The following GNAI3 variants were observed in gnomAD, a reference collection of about 807,000 sequenced individuals.
GNAI3 encodes G protein subunit alpha i3, also known as guanine nucleotide-binding protein G(i) subunit alpha-3.
In GNAI3, 12 loss-of-function variants were observed where a neutral mutation model predicts 41.8. The ratio of observed to expected loss-of-function variants is 0.29; its 90% CI spans 0.18 to 0.47. The LOEUF is 0.47. Ranked by LOEUF, GNAI3 falls within the 20% of genes least tolerant of loss-of-function variation. The pLI is 1.00. For missense variants in GNAI3, 360 were observed against 429.6 expected, an observed-to-expected ratio of 0.84 and a Z score of 1.43; for synonymous variants, 132 against 146.5, an observed-to-expected ratio of 0.90 and a Z score of 0.71.
intron 1 of GNAI3, among the ~76,000 whole-genome samples, chr1:109,556,026 A>C (rs1571147026): frequency 6.8e-6 from 1 of 146,128 alleles, no homozygotes; most frequent in African/African-American, 2.5e-5. Context: ...AGGTCCTTCC[A>C]TTAACTTCCA....
intron 4 of GNAI3, among the ~76,000 whole-genome samples, chr1:109,581,560 A>G (rs962320628): frequency 2.0e-5 from 3 of 152,050 alleles, no homozygotes; most frequent in Admixed American, 1.3e-4. Context: ...TAATTTTTTA[A>G]ATTGGCCTTC....
chr1:109,581,142 A>G (rs1022284507), intron 4 of GNAI3, among the ~76,000 whole-genome samples: 7 of 152,160 alleles, frequency 4.6e-5, no homozygotes, highest in Admixed American at 2.0e-4. Flanking sequence ...TTAATGATTC[A>G]CTTACATTGG....
At chr1:109,567,704 A>G (rs901081931) in intron 1 of GNAI3, among the ~76,000 whole-genome samples, 2 of 152,236 alleles carry the variant, frequency 1.3e-5, no homozygotes, top group African/African-American at 2.4e-5. Flanking sequence ...TTATTACTAA[A>G]TAAAACTTTG....
At chr1:109,572,181 G>A (rs902719387) in intron 1 of GNAI3, among the ~76,000 whole-genome samples, 10 of 151,782 alleles carry the variant, frequency 6.6e-5, no homozygotes, top group African/African-American at 2.4e-4. Flanking sequence ...GTTGTGGCAG[G>A]CGCCTGTAAT....
chr1:109,577,015 GTTTTT>G (rs5776987), intron 3 of GNAI3, among the ~76,000 whole-genome samples: 139 of 144,156 alleles, frequency 9.6e-4, no homozygotes, highest in African/African-American at 3.3e-3. Context: ...GTTTTTTTCT[GTTTTT>G]TTTTTTTTTT....
chr1:109,554,100 GTA>G (rs748059438), intron 1 of GNAI3, among the ~76,000 whole-genome samples: 1,757 of 133,634 alleles, frequency 0.013, 16 homozygotes, highest in Non-Finnish European at 0.02. Flanking sequence ...GTGTGTGTGT[GTA>G]TATCACATTT....
chr1:109,562,759 C>T (rs1057087474), intron 1 of GNAI3, among the ~76,000 whole-genome samples: 1 of 151,996 alleles, frequency 6.6e-6, no homozygotes, highest in African/African-American at 2.4e-5. Flanking sequence ...ATGCTGCTAT[C>T]GATGTTAGAG....
At position 109,595,588 on chromosome 1, in the gene GNAI3, AC is replaced by A; in HGVS notation, c.*3269del. On this transcript the variant is annotated 3_prime_UTR_variant, in exon 9 of 9. Coordinates refer to ENST00000369851, the MANE Select transcript of GNAI3 (RefSeq NM_006496.4). ...GCTGGTTTTTGTAATTCATTCATTC[AC>A]CCTATATTCTTATATTCTGCTCATT... is the stretch of plus-strand genomic sequence containing the variant. 6.6e-6 allele frequency: 1 copy of A among 152,078 alleles called. No homozygotes were observed. Among genetic ancestry groups the A allele is most frequent in the East Asian group, 1.9e-4 (1 of 5,184 alleles). 9.4% of individuals were successfully genotyped at this position (152,078 alleles called of 1,614,324 possible).
intron 7 of GNAI3, among the ~76,000 whole-genome samples, chr1:109,590,739 G>T (rs892265165): frequency 4.6e-5 from 7 of 151,582 alleles, no homozygotes; most frequent in African/African-American, 7.3e-5. Context: ...ATGATTTTTT[G>T]ATTTTTAGTA....
intron 3 of GNAI3, among the ~76,000 whole-genome samples, chr1:109,577,269 G>GTTTTTTTTTTTTTTTT (rs1395067814): frequency 9.4e-5 from 13 of 138,996 alleles, no homozygotes; most frequent in African/African-American, 3.0e-4. Flanking sequence ...TAGCTAAGGT[G>GTTTTTTTTTTTTTTTT]TTTTTTTTGT....
At chr1:109,587,755 A>T (rs1649069246) in intron 7 of GNAI3, among the ~76,000 whole-genome samples, 1 of 152,202 alleles carries the variant, frequency 6.6e-6, no homozygotes, top group Non-Finnish European at 1.5e-5. Context: ...GGTGCATGAT[A>T]TAGAAGAAAC....
intron 1 of GNAI3, among the ~76,000 whole-genome samples, chr1:109,553,821 C>G (rs569889673): frequency 6.6e-6 from 1 of 152,338 alleles, no homozygotes; most frequent in South Asian, 2.1e-4. Context: ...GCAGTCTACA[C>G]TGTACCCAAT....
At chr1:109,561,933 A>G (rs574694098) in intron 1 of GNAI3, among the ~76,000 whole-genome samples, 2 of 152,352 alleles carry the variant, frequency 1.3e-5, no homozygotes, top group African/African-American at 2.4e-5. Context: ...AATAGTAAGC[A>G]CAAAGACTCA....
At chr1:109,569,367 C>T (rs1409817067) in intron 1 of GNAI3, among the ~76,000 whole-genome samples, 1 of 152,174 alleles carries the variant, frequency 6.6e-6, no homozygotes, top group African/African-American at 2.4e-5. Context: ...ACTATTACTT[C>T]CCTGGTGTAT....
At chr1:109,591,447 C>G in intron 7 of GNAI3, 1 of 855,770 alleles carries the variant, frequency 1.2e-6, no homozygotes, top group Non-Finnish European at 1.9e-6. Flanking sequence ...TCAACAATTT[C>G]TCACTTCATT....
At chr1:109,575,730 C>T (rs916243447) in intron 3 of GNAI3, among the ~76,000 whole-genome samples, 15 of 151,854 alleles carry the variant, frequency 9.9e-5, no homozygotes, top group African/African-American at 3.4e-4. Flanking sequence ...TGGAGTTTCA[C>T]CATGTTGGCC....
chr1:109,549,288 T>G lies in GNAI3; in HGVS notation c.118+450T>G, dbSNP rs191914646. Among the ~76,000 whole-genome samples the G allele has an allele frequency of 4.6e-4, 70 of 151,466 alleles. No individual in the cohort carries two copies. In the Middle Eastern group the frequency reaches 0.01, roughly 22 times the overall value. ...CTTTGGCAGGATAAAGCTAGCAGGC[T>G]TGAATGGATGGTACAGAGACTGGAA... On this transcript the variant is annotated intron_variant, in intron 1 of 8. Coordinates refer to ENST00000369851, the MANE Select transcript of GNAI3 (RefSeq NM_006496.4).
chr1:109,598,259 G>A lies in GNAI3; in HGVS notation c.*5937G>A, dbSNP rs1029451129. 1.3e-5 allele frequency: 2 copies of A among 152,198 alleles called. No homozygotes were observed. The highest frequency in any genetic ancestry group is 2.9e-5 in the Non-Finnish European group (2 of 68,036). The allele number at this position is 152,198 out of a possible 1,614,324, so 9.4% of individuals were successfully genotyped here. On this transcript the variant is annotated 3_prime_UTR_variant, in exon 9 of 9. Transcript: ENST00000369851. ...GAAATCACCTGTTCTGTTTATTCTT[G>A]CTCATGTAGGATAAAGGTCCTGAGA...
chr1:109,589,203 TAGC>T (rs1298752807), intron 7 of GNAI3, among the ~76,000 whole-genome samples: 1 of 152,064 alleles, frequency 6.6e-6, no homozygotes, highest in African/African-American at 2.4e-5. Flanking sequence ...CGAGAGAGAA[TAGC>T]AGCCTCTATT....
Sources: gnomAD v4.1 joint callset for allele counts (sites outside exome capture counted in the v4.1 genomes callset) on GRCh38, gnomAD v4.1.1 for gene constraint, MANE v1.5 for transcripts, NCBI Gene and HGNC (gene_info 2026-07-23, HGNC 2026-07-21) for gene names.